KIF11: variants seen among roughly 807,000 people sequenced by gnomAD.
The protein encoded by KIF11 is kinesin family member 11, also known as kinesin-like protein KIF11.
Under a neutral mutation model 121.0 loss-of-function variants are expected in KIF11, and 9 were observed. That is an observed-to-expected ratio of 0.07 (90% CI 0.04 to 0.13). The LOEUF (loss-of-function observed/expected upper bound fraction) is 0.13, where lower values mean the gene tolerates loss of function less well. Among genes scored for constraint, KIF11 ranks in the 10% least tolerant of loss-of-function variants. KIF11 has a pLI of 1.00. For missense variants in KIF11, 846 were observed against 1,217.5 expected (o/e 0.69, Z 4.54); for synonymous variants, 408 against 421.0 (o/e 0.97, Z 0.38).
chr10:92,638,085 C>T (rs1316676164), intron 16 of KIF11, among the ~76,000 whole-genome samples: 4 of 152,152 alleles, frequency 2.6e-5, no homozygotes. Context: ...CAAAACCAAG[C>T]CTTCAAACCA....
At position 92,644,631 on chromosome 10, in the gene KIF11, A is replaced by G. The variant is rs184447214; in HGVS notation, c.2268-732A>G. Among the ~76,000 whole-genome samples the G allele has an allele frequency of 1.3e-4, 20 of 152,196 alleles. No homozygotes were observed. In the East Asian group the frequency reaches 3.9e-3, roughly 29 times the overall value. ...ACTATGCCTTGCCCTTTTTTCAGTC[A>G]TTGTGACTTTCACGTGTAGGTTTGG... On this transcript the variant is annotated intron_variant, in intron 17 of 21. Transcript: ENST00000260731.
intron 2 of KIF11, 43 bp from the exon 3 acceptor site, chr10:92,606,576 T>G: frequency 1.6e-6 from 2 of 1,289,124 alleles, no homozygotes; most frequent in Non-Finnish European, 2.2e-6. Context: ...TTAAAATGAG[T>G]AATTTTGAGG....
intron 1 of KIF11, chr10:92,597,075 G>A: frequency 2.7e-6 from 1 of 371,550 alleles, no homozygotes; most frequent in East Asian, 7.6e-5. Context: ...GTTCTTTCTT[G>A]ATTCACACTC....
In KIF11 at chr10:92,593,352, C is replaced by CT. The variant is rs556891991; in HGVS notation, c.-22dup. ...ACAGCGCCCAGGTCCGCGGCCGGGC[C>CT]TTGATTTTTTGGCGGGGACCGTCAT... is the stretch of plus-strand genomic sequence containing the variant. On this transcript the variant is annotated 5_prime_UTR_variant, in exon 1 of 22. Coordinates refer to ENST00000260731, the MANE Select transcript of KIF11 (RefSeq NM_004523.4). 73 of 1,598,828 alleles carry CT rather than the reference C, an allele frequency of 4.6e-5. No homozygotes were observed. In the African/African-American group the frequency reaches 8.7e-4, roughly 19 times the overall value.
intron 1 of KIF11, among the ~76,000 whole-genome samples, chr10:92,601,775 C>T (rs559137945): frequency 2.5e-4 from 38 of 151,040 alleles, no homozygotes; most frequent in African/African-American, 8.5e-4. Flanking sequence ...CTCCTGGCTT[C>T]GGGTGATCCT....
chr10:92,606,463 C>T (rs1844431997), intron 2 of KIF11, 66 bp downstream of exon 2: 2 of 1,368,500 alleles, frequency 1.5e-6, no homozygotes, highest in Non-Finnish European at 2.0e-6. Context: ...CATATTTTAC[C>T]TGGAAAATGG....
chr10:92,608,648 G>A (rs943694921), intron 4 of KIF11, among the ~76,000 whole-genome samples: 10 of 152,048 alleles, frequency 6.6e-5, no homozygotes, highest in Non-Finnish European at 1.3e-4. Context: ...CGTGTTGGCC[G>A]GGATGGTCTT....
intron 20 of KIF11, 59 bp from the exon 21 acceptor site, chr10:92,650,341 TA>T: frequency 1.1e-6 from 1 of 926,452 alleles, no homozygotes; most frequent in Non-Finnish European, 1.8e-6. Context: ...AAGCTGCTGT[TA>T]CTCTTGTGAT....
chr10:92,613,092 G>C lies in KIF11; in HGVS notation c.751G>C (p.Asp251His). ...VTIHMKETTI[D>H]GEELVKIGKL... ...AATACATATGAAAGAAACTACGATT[G>C]ATGGAGAAGAGCTTGTTAAAATCGG... Residue 251 changes from aspartate (D) to histidine (H), a missense_variant, in exon 7 of 22, where the codon GAT becomes CAT. Asp to His is a moderately conservative substitution (Grantham distance 81). Transcript: ENST00000260731. The surrounding 1 kb of genome is among the most constrained non-coding windows in gnomAD (Gnocchi z 4.2). 6.2e-7 allele frequency: 1 copy of C among 1,612,636 alleles called. No individual in the cohort carries two copies.
intron 8 of KIF11, among the ~76,000 whole-genome samples, chr10:92,614,021 T>TATACACACACACACACACACAC (rs1284311727): frequency 2.4e-5 from 3 of 127,056 alleles, no homozygotes; most frequent in South Asian, 2.3e-4. Flanking sequence ...AGTATGTGTA[T>TATACACACACACACACACACAC]ACACACACAC....
chr10:92,630,217 G>A lies in KIF11; in HGVS notation c.1347G>A (p.Gln449=). The change falls in exon 12 of 22, where the codon CAG becomes CAA. Residue 449 remains glutamine, a synonymous_variant. Coordinates refer to ENST00000260731, the MANE Select transcript of KIF11 (RefSeq NM_004523.4). ...TGGATAATAAAAATGAACTTGACCA[G>A]TGTAAATCTGACCTGCAAAATAAAA... ...LFMDNKNELD[Q]CKSDLQNKTQ... 6.2e-7 allele frequency: 1 copy of A among 1,602,984 alleles called. No homozygotes were observed. Among genetic ancestry groups the A allele is most frequent in the Non-Finnish European group, 8.5e-7 (1 of 1,175,270 alleles).
intron 1 of KIF11, among the ~76,000 whole-genome samples, chr10:92,603,258 CTTTTCTTTTTTT>C (rs1156729275): frequency 9.6e-6 from 1 of 104,642 alleles, no homozygotes; most frequent in Non-Finnish European, 1.9e-5. Flanking sequence ...GCTTTCTTTT[CTTTTCTTTTTTT>C]TTTTTTTTTT....
intron 1 of KIF11, among the ~76,000 whole-genome samples, chr10:92,602,156 G>A (rs1481987470): frequency 6.6e-6 from 1 of 152,064 alleles, no homozygotes; most frequent in African/African-American, 2.4e-5. Flanking sequence ...TCAGTTCAAT[G>A]TGTTGGTATT....
chr10:92,613,571 A>G lies in KIF11; in HGVS notation c.984A>G (p.Thr328=). 6.2e-7 allele frequency: 1 copy of G among 1,613,442 alleles called. No individual in the cohort carries two copies. The part of the protein sequence containing the change: ...RILQDSLGGR[T]RTSIIATISP... The stretch of plus-strand genomic sequence containing the variant: ...TCCAGGATTCTCTTGGAGGGCGTAC[A>G]AGAACATCTATAATTGCAACAATTT... The change falls in exon 8 of 22, where the codon ACA becomes ACG. Residue 328 remains threonine (T), a synonymous_variant. Coordinates refer to ENST00000260731, the MANE Select transcript of KIF11 (RefSeq NM_004523.4). This position sits in a 1 kb window ranked among gnomAD's most constrained non-coding sequence, Gnocchi z 4.2.
At chr10:92,597,064 T>C in intron 1 of KIF11, 1 of 373,808 alleles carries the variant, frequency 2.7e-6, no homozygotes. Flanking sequence ...TCTGAGAAGT[T>C]GTTCTTTCTT....
chr10:92,601,232 G>A (rs1050860884), intron 1 of KIF11, among the ~76,000 whole-genome samples: 6 of 150,514 alleles, frequency 4.0e-5, no homozygotes, highest in Admixed American at 2.7e-4. Flanking sequence ...ATGGAGTCTC[G>A]CTCTGTTGCC....
At chr10:92,632,424 TA>T in intron 12 of KIF11, 61 bp from the exon 13 acceptor site, 1 of 1,069,794 alleles carries the variant, frequency 9.3e-7, no homozygotes, top group Non-Finnish European at 1.4e-6. Flanking sequence ...CTTGTGTAGA[TA>T]CTTTCATCAG....
At chr10:92,620,768 C>T (rs906075913) in intron 9 of KIF11, among the ~76,000 whole-genome samples, 7 of 152,208 alleles carry the variant, frequency 4.6e-5, no homozygotes, top group Admixed American at 3.3e-4. Flanking sequence ...TGGAGAAACT[C>T]CTGTTTGTAA....
intron 4 of KIF11, among the ~76,000 whole-genome samples, chr10:92,607,924 G>A (rs1229212859): frequency 6.6e-6 from 1 of 151,910 alleles, no homozygotes; most frequent in Non-Finnish European, 1.5e-5. Context: ...GGAGGCTGAG[G>A]CGGGCAGATC....
Sources: gnomAD v4.1 joint callset for allele counts (sites outside exome capture counted in the v4.1 genomes callset) on GRCh38, gnomAD v4.1.1 for gene constraint, Gnocchi (gnomAD v3.1) non-coding constraint, MANE v1.5 for transcripts, NCBI Gene and HGNC (gene_info 2026-07-23, HGNC 2026-07-21) for gene names.